PPP1R9A: variants seen among roughly 807,000 people sequenced by gnomAD.
The protein encoded by PPP1R9A is protein phosphatase 1 regulatory subunit 9A.
Under a neutral mutation model 141.9 loss-of-function variants are expected in PPP1R9A, and 59 were observed. The observed-to-expected ratio is 0.42, with a 90% CI of 0.34 to 0.52. The LOEUF (loss-of-function observed/expected upper bound fraction) is 0.52, where lower values mean the gene tolerates loss of function less well. Ranked by LOEUF, PPP1R9A falls within the 20% of genes least tolerant of loss-of-function variation. The pLI, the probability that PPP1R9A is intolerant of heterozygous loss-of-function variation, is 0.10. For missense variants in PPP1R9A, 1,444 were observed against 1,611.9 expected, an observed-to-expected ratio of 0.90 and a Z score of 1.78; for synonymous variants, 500 against 569.7, an observed-to-expected ratio of 0.88 and a Z score of 1.74.
intron 4 of PPP1R9A, among the ~76,000 whole-genome samples, chr7:95,160,137 C>G (rs1381625332): frequency 6.6e-6 from 1 of 151,652 alleles, no homozygotes; most frequent in African/African-American, 2.4e-5. Flanking sequence ...TAAACAGTAT[C>G]AATACATACA....
chr7:95,142,595 A>T (rs1826902797), intron 4 of PPP1R9A, among the ~76,000 whole-genome samples: 2 of 152,220 alleles, frequency 1.3e-5, no homozygotes, highest in Admixed American at 6.5e-5. Context: ...GTTTTCTAGC[A>T]TCATTTTTTG....
At chr7:94,968,346 A>T (rs1101703) in intron 2 of PPP1R9A, among the ~76,000 whole-genome samples, 1 of 150,706 alleles carries the variant, frequency 6.6e-6, no homozygotes, top group South Asian at 2.1e-4. Context: ...CTAATTTTTT[A>T]TATTTTTAGT....
intron 5 of PPP1R9A, among the ~76,000 whole-genome samples, chr7:95,188,109 C>T (rs1001415893): frequency 6.6e-6 from 1 of 151,974 alleles, no homozygotes; most frequent in African/African-American, 2.4e-5. Flanking sequence ...TATTGGGTTG[C>T]CATCTATCTC....
At chr7:95,151,918 T>C (rs1335210536) in intron 4 of PPP1R9A, among the ~76,000 whole-genome samples, 1 of 148,460 alleles carries the variant, frequency 6.7e-6, no homozygotes, top group Non-Finnish European at 1.5e-5. Flanking sequence ...GAAGTGATAA[T>C]GTCAGCACAT....
intron 2 of PPP1R9A, among the ~76,000 whole-genome samples, chr7:95,081,576 A>G (rs1305924754): frequency 1.3e-5 from 2 of 152,178 alleles, no homozygotes; most frequent in East Asian, 1.9e-4. Flanking sequence ...GAAACTTTCC[A>G]AAATTAAACA....
intron 2 of PPP1R9A, among the ~76,000 whole-genome samples, chr7:94,982,521 C>A (rs1268849334): frequency 6.6e-6 from 1 of 152,188 alleles, no homozygotes; most frequent in Non-Finnish European, 1.5e-5. Flanking sequence ...GCCATTCTAA[C>A]TGGCATGAGA....
chr7:95,275,661 A>G (rs936432153), intron 16 of PPP1R9A, among the ~76,000 whole-genome samples: 6 of 152,176 alleles, frequency 3.9e-5, no homozygotes, highest in African/African-American at 1.4e-4. Context: ...TAAGGAAGAA[A>G]CACACTAAAA....
At chr7:95,113,060 C>T (rs1356341410) in intron 3 of PPP1R9A, among the ~76,000 whole-genome samples, 3 of 152,142 alleles carry the variant, frequency 2.0e-5, no homozygotes, top group Non-Finnish European at 4.4e-5. Flanking sequence ...TGCACATGTA[C>T]TCCCCTGAAT....
chr7:95,102,851 T>C (rs1818969667), intron 2 of PPP1R9A, among the ~76,000 whole-genome samples: 2 of 152,224 alleles, frequency 1.3e-5, no homozygotes, highest in African/African-American at 2.4e-5. Context: ...TGAAAGACTT[T>C]GTGATGACTC....
intron 2 of PPP1R9A, among the ~76,000 whole-genome samples, chr7:94,980,181 C>CT (rs1167283465): frequency 2.4e-5 from 2 of 84,368 alleles, no homozygotes; most frequent in Admixed American, 1.3e-4. Flanking sequence ...AGCTGATGAG[C>CT]TAAAAAAAAA....
At chr7:94,968,321 C>T (rs543106453) in intron 2 of PPP1R9A, among the ~76,000 whole-genome samples, 10 of 151,918 alleles carry the variant, frequency 6.6e-5, no homozygotes, top group Admixed American at 1.3e-4. Flanking sequence ...TACAGGCGCC[C>T]GCCACTACGC....
rs148336615 is a variant in PPP1R9A at position 95,217,699 on chromosome 7, G to T, written c.1957-8262G>T. ...CAACTTCTTCCTGGTTTAGTCTTAG[G>T]AGAGTGTATGTGTCTGGGAATTTAT... On this transcript the variant is annotated intron_variant, in intron 7 of 19. Transcript: ENST00000433360. Among the ~76,000 whole-genome samples, 669 of 152,266 alleles carry T rather than the reference G, an allele frequency of 4.4e-3. 5 individuals are homozygous for T. The highest frequency in any genetic ancestry group is 0.015 in the African/African-American group (632 of 41,542).
chr7:95,026,471 C>T (rs540223304), intron 2 of PPP1R9A, among the ~76,000 whole-genome samples: 2 of 152,150 alleles, frequency 1.3e-5, no homozygotes, highest in Non-Finnish European at 2.9e-5. Flanking sequence ...GAGGGGCACC[C>T]TCCAGATGCC....
In PPP1R9A at chr7:95,120,704, T is replaced by C. The variant is rs1453326658; in HGVS notation, c.1529-8T>C. ...GTTTCACCTCCCCCCTTTTTTTCTT[T>C]TTAATAGATGAGGATGGTCTTGGTA... On this transcript the variant is annotated splice_region_variant and splice_polypyrimidine_tract_variant and intron_variant, in intron 3 of 19. Coordinates refer to ENST00000433360, the MANE Select transcript of PPP1R9A (RefSeq NM_001166160.2). The C allele has an allele frequency of 6.2e-7, 1 of 1,608,504 alleles. No individual in the cohort carries two copies. The highest frequency in any genetic ancestry group is 8.5e-7 in the Non-Finnish European group (1 of 1,177,838).
In PPP1R9A at chr7:95,291,006, G is replaced by A. The variant is rs1806277576; in HGVS notation, c.*703G>A. On this transcript the variant is annotated 3_prime_UTR_variant, in exon 20 of 20. Coordinates refer to ENST00000433360, the MANE Select transcript of PPP1R9A (RefSeq NM_001166160.2). ...GAATGTGGATGTGGGTATTACCTTG[G>A]GGTTCTGAGGGTAATATTTATCCTC... 1 of 152,144 alleles carries A rather than the reference G, an allele frequency of 6.6e-6. No individual in the cohort carries two copies. The highest frequency in any genetic ancestry group is 6.6e-5 in the Admixed American group (1 of 15,258). 9.4% of individuals were successfully genotyped at this position (152,144 alleles called of 1,614,324 possible).
At chr7:95,193,648 G>C (rs1038954928) in intron 5 of PPP1R9A, among the ~76,000 whole-genome samples, 6 of 151,864 alleles carry the variant, frequency 4.0e-5, no homozygotes, top group Non-Finnish European at 8.8e-5. Flanking sequence ...AATTATATTT[G>C]AGTTTTGATT....
intron 2 of PPP1R9A, among the ~76,000 whole-genome samples, chr7:95,092,965 G>A (rs1817554390): frequency 6.6e-6 from 1 of 152,170 alleles, no homozygotes; most frequent in Non-Finnish European, 1.5e-5. Flanking sequence ...CTTGTAAGAA[G>A]CAAATGGACA....
intron 2 of PPP1R9A, among the ~76,000 whole-genome samples, chr7:94,948,933 T>A (rs1457050649): frequency 6.6e-6 from 1 of 152,114 alleles, no homozygotes; most frequent in Non-Finnish European, 1.5e-5. Context: ...TGGGGCTAAC[T>A]TGCAACCTTT....
rs548316747 is a variant in PPP1R9A at position 95,076,413 on chromosome 7, C to A, written c.1396-34846C>A. 6.5e-3 allele frequency among the ~76,000 whole-genome samples: 985 copies of A among 152,112 alleles called. 10 individuals are homozygous for A. Among genetic ancestry groups the A allele is most frequent in the African/African-American group, 0.023 (938 of 41,478 alleles). ...TAATACCATTTATTGTATAATCCAC[C>A]TTCTCTTCATTATTTTGACATATTT... On this transcript the variant is annotated intron_variant, in intron 2 of 19. Coordinates refer to ENST00000433360, the MANE Select transcript of PPP1R9A (RefSeq NM_001166160.2).
Sources: gnomAD v4.1 joint callset for allele counts (sites outside exome capture counted in the v4.1 genomes callset) on GRCh38, gnomAD v4.1.1 for gene constraint, MANE v1.5 for transcripts, NCBI Gene and HGNC (gene_info 2026-07-23, HGNC 2026-07-21) for gene names.